Variants in CD163 observed in about 807,000 individuals in gnomAD.
CD163 encodes the protein CD163 molecule.
A neutral mutation model predicts 129.2 loss-of-function variants in CD163; 64 were observed. The observed-to-expected ratio is 0.50, with a 90% CI of 0.41 to 0.61. The LOEUF is 0.61. CD163 is among the 20% of genes least tolerant of loss of function. The pLI, the probability that CD163 is intolerant of heterozygous loss-of-function variation, is 0.00. For missense variants in CD163, 1,061 were observed against 1,377.9 expected (o/e 0.77, Z 3.64); for synonymous variants, 446 against 478.5 (o/e 0.93, Z 0.89).
At chr12:7,480,101 G>T in intron 15 of CD163, 188 bp from the exon 16 acceptor site, 1 of 1,048,726 alleles carries the variant, frequency 9.5e-7, no homozygotes, top group Non-Finnish European at 1.4e-6. Context: ...AGGAAGAAAA[G>T]CATGTGTGAT....
In CD163 at chr12:7,487,305, C is replaced by T; in HGVS notation, c.2050+54G>A. 1 of 1,507,566 alleles carries T rather than the reference C, an allele frequency of 6.6e-7. No individual in the cohort carries two copies. Among genetic ancestry groups the T allele is most frequent in the Non-Finnish European group, 8.9e-7 (1 of 1,128,886 alleles). 93.4% of individuals were successfully genotyped at this position (1,507,566 alleles called of 1,614,324 possible). A position where few individuals can be genotyped will look rare whatever the true frequency, so the allele number is the denominator to read the frequency against. On this transcript the variant is annotated intron_variant, in intron 8 of 16. Transcript: ENST00000432237. This position sits in a 1 kb window ranked among gnomAD's most constrained non-coding sequence, Gnocchi z 5.1. ...ACTGCGTTTTACTTTTGTTCTTCATCCCTATGTACACCTTCTCTTAAGACC... is the reference window on the plus strand; with the variant it reads ...ACTGCGTTTTACTTTTGTTCTTCATTCCTATGTACACCTTCTCTTAAGACC...
chr12:7,495,587 G>A (rs1257665448), intron 5 of CD163, among the ~76,000 whole-genome samples, 186 bp from the exon 6 acceptor site: 2 of 152,140 alleles, frequency 1.3e-5, no homozygotes, highest in Non-Finnish European at 2.9e-5. Context: ...GTAGTTTCAA[G>A]GGTTGATAAA....
rs756660243 is a variant in CD163, at chr12:7,482,735, A to C, written c.3155T>G (p.Ile1052Ser). The C allele has an allele frequency of 6.2e-7, 1 of 1,614,206 alleles. No homozygotes were observed. Among genetic ancestry groups the C allele is most frequent in the South Asian group, 1.1e-5 (1 of 91,082 alleles). The change falls in exon 14 of 17, where the codon ATT becomes AGT. Residue 1052 changes from isoleucine to serine, a missense_variant. Physicochemically the swap from Ile to Ser is moderately radical, Grantham distance 142 (BLOSUM62 -2). Transcript: ENST00000432237. ...AACAACCCCAAGGATCCCGACTGCAATAAAGGATGACTGACGGGATGAGCG... is the reference window on the plus strand; with the variant it reads ...AACAACCCCAAGGATCCCGACTGCACTAAAGGATGACTGACGGGATGAGCG... Reference protein sequence around the residue: ...TGRSSRQSSFIAVGILGVVLL... With the variant: ...TGRSSRQSSFSAVGILGVVLL...
At chr12:7,483,230 T>C (rs1565399840) in intron 12 of CD163, 137 bp downstream of exon 12, 7 of 862,422 alleles carry the variant, frequency 8.1e-6, no homozygotes, top group Non-Finnish European at 5.3e-6. Flanking sequence ...ATTCTTTCAG[T>C]AGAGACATTA....
intron 14 of CD163, among the ~76,000 whole-genome samples, chr12:7,481,655 A>G (rs1949163924): frequency 6.6e-6 from 1 of 152,094 alleles, no homozygotes; most frequent in South Asian, 2.1e-4. Flanking sequence ...TCCTCCTTCA[A>G]TCCTCCTAGA....
chr12:7,489,125 T>C (rs1949294787), intron 6 of CD163, among the ~76,000 whole-genome samples: 1 of 152,154 alleles, frequency 6.6e-6, no homozygotes. Flanking sequence ...ACAGAATTAG[T>C]AAGAGAACAG....
In CD163 at chr12:7,494,945, C is replaced by T. The variant is rs1949378940; in HGVS notation, c.1420+136G>A. 4.3e-6 allele frequency: 3 copies of T among 702,608 alleles called. No homozygotes were observed. The South Asian group carries it at 5.4e-5, about 13-fold the overall frequency. The allele number at this position is 702,608 out of a possible 1,614,324, so 43.5% of individuals were successfully genotyped here. ...ATGAATTGTAAACTTATCTGACTCTCCCAGTGGAATTTGTGTAGATATTTC... is the reference window on the plus strand; with the variant it reads ...ATGAATTGTAAACTTATCTGACTCTTCCAGTGGAATTTGTGTAGATATTTC... On this transcript the variant is annotated intron_variant, in intron 6 of 16. Coordinates refer to ENST00000432237, the MANE Select transcript of CD163 (RefSeq NM_203416.4).
Position 7,487,282 on chromosome 12 carries a change from T to C in CD163, c.2050+77A>G. 1 of 1,419,452 alleles carries C rather than the reference T, an allele frequency of 7.0e-7. No homozygotes were observed. The highest frequency in any genetic ancestry group is 2.3e-5 in the East Asian group (1 of 42,902). The allele number at this position is 1,419,452 out of a possible 1,614,324, so 87.9% of individuals were successfully genotyped here. On this transcript the variant is annotated intron_variant, in intron 8 of 16. Coordinates refer to ENST00000432237, the MANE Select transcript of CD163 (RefSeq NM_203416.4). The surrounding 1 kb of genome is among the most constrained non-coding windows in gnomAD (Gnocchi z 5.1). ...CTCATGACCCTTCAAAATGGATCAC[T>C]GCGTTTTACTTTTGTTCTTCATCCC...
intron 6 of CD163, among the ~76,000 whole-genome samples, chr12:7,493,307 A>AC (rs1362786331): frequency 6.6e-6 from 1 of 152,194 alleles, no homozygotes; most frequent in Admixed American, 6.5e-5. Flanking sequence ...CCCATGAAGG[A>AC]CAGCGGACAG....
intron 16 of CD163, among the ~76,000 whole-genome samples, chr12:7,476,802 A>C (rs1236387699): frequency 6.6e-6 from 1 of 152,214 alleles, no homozygotes; most frequent in Non-Finnish European, 1.5e-5. Context: ...TGAACAGGCA[A>C]CCTACAGAAT....
At position 7,481,215 on chromosome 12, in the gene CD163, G is replaced by A. The variant is rs756953570; in HGVS notation, c.3289C>T (p.Arg1097Trp). The A allele has an allele frequency of 4.3e-6, 7 of 1,613,664 alleles. No homozygotes were observed. The highest frequency in any genetic ancestry group is 1.6e-4 in the Middle Eastern group (1 of 6,082). Residue 1097 changes from arginine to tryptophan, a missense_variant, in exon 15 of 17, where the codon CGG becomes TGG. By Grantham distance (101) the Arg-to-Trp change is moderately radical. Coordinates refer to ENST00000432237, the MANE Select transcript of CD163 (RefSeq NM_203416.4). Reference protein sequence around the residue: ...GENLVHQIQYREMNSCLNADD... With the variant: ...GENLVHQIQYWEMNSCLNADD... ...GCATTCAGGCAAGAATTCATCTCCCGGTATTGAATTTGGTGGACTAAGTTC... is the reference window on the plus strand; with the variant it reads ...GCATTCAGGCAAGAATTCATCTCCCAGTATTGAATTTGGTGGACTAAGTTC...
Position 7,486,731 on chromosome 12 carries a change from G to A in CD163, c.2226C>T (p.Thr742=), listed in dbSNP as rs1445486837. The change falls in exon 10 of 17, where the codon ACC becomes ACT. Residue 742 remains threonine (T), a synonymous_variant. Transcript: ENST00000432237. ...VEIYHEGSWG[T]ICDDSWDLSD... is the part of the protein sequence containing the mutation. ...TCAGGTCCCAGCTGTCATCACAGAT[G>A]GTGCCCCAGGAGCCCTCATGATAGA... The A allele has an allele frequency of 9.3e-6, 15 of 1,614,038 alleles. No homozygotes were observed. In the Admixed American group the frequency reaches 2.3e-4, roughly 25 times the overall value.
At chr12:7,490,275 G>A (rs1949310310) in intron 6 of CD163, among the ~76,000 whole-genome samples, 2 of 151,996 alleles carry the variant, frequency 1.3e-5, no homozygotes, top group Admixed American at 6.6e-5. Flanking sequence ...ATATGGTCAC[G>A]AAATGCATGG....
At position 7,496,175 on chromosome 12, in the gene CD163, G is replaced by T. The variant is rs182481489; in HGVS notation, c.1099+638C>A. On this transcript the variant is annotated intron_variant, in intron 5 of 16. Coordinates refer to ENST00000432237, the MANE Select transcript of CD163 (RefSeq NM_203416.4). This position sits in a 1 kb window ranked among gnomAD's most constrained non-coding sequence, Gnocchi z 4.8. ...AAAGAATGAGTTTATGTCCTTTGAA[G>T]GGACACAGATGAAGCTAGAAACCAT... Among the ~76,000 whole-genome samples, 15 of 152,148 alleles carry T rather than the reference G, an allele frequency of 9.9e-5. No homozygotes were observed. The highest frequency in any genetic ancestry group is 1.5e-5 in the Non-Finnish European group (1 of 68,040).
chr12:7,498,903 C>T lies in CD163; in HGVS notation c.743G>A (p.Cys248Tyr). Residue 248 changes from cysteine (C) to tyrosine (Y), a missense_variant, in exon 4 of 17, where the codon TGT (cysteine) becomes TAT (tyrosine). Coordinates refer to ENST00000432237, the MANE Select transcript of CD163 (RefSeq NM_203416.4). ...CKHQGWGKHN[C>Y]DHAEDAGVIC... is the part of the protein sequence containing the mutation. ...CACTCCAGCATCCTCAGCATGATCA[C>T]AGTTATGCTTTCCCCATCCTTGATG... 6.2e-7 allele frequency: 1 copy of T among 1,614,098 alleles called. No homozygotes were observed. Among genetic ancestry groups the T allele is most frequent in the Non-Finnish European group, 8.5e-7 (1 of 1,179,966 alleles).
intron 4 of CD163, 62 bp from the exon 5 acceptor site, chr12:7,497,195 C>A: frequency 7.2e-7 from 1 of 1,381,528 alleles, no homozygotes; most frequent in East Asian, 2.3e-5. Context: ...CTATAAATAG[C>A]TATACCTGAG....
chr12:7,482,302 G>A (rs1949172493), intron 14 of CD163, among the ~76,000 whole-genome samples: 1 of 152,078 alleles, frequency 6.6e-6, no homozygotes, highest in African/African-American at 2.4e-5. Flanking sequence ...CATGTAGATA[G>A]AACACAGGAA....
chr12:7,480,021 G>A, intron 15 of CD163, 108 bp from the exon 16 acceptor site: 2 of 1,599,152 alleles, frequency 1.3e-6, no homozygotes, highest in African/African-American at 1.3e-5. Context: ...ATAATTACTG[G>A]GAAATAAACC....
intron 12 of CD163, 48 bp downstream of exon 12, chr12:7,483,317 CCT>C (rs1353189101): frequency 1.9e-6 from 3 of 1,551,334 alleles, no homozygotes; most frequent in Non-Finnish European, 2.6e-6. Flanking sequence ...CTGCCCAACC[CCT>C]CTTTGCTGCC....
Sources: gnomAD v4.1 joint callset for allele counts (sites outside exome capture counted in the v4.1 genomes callset) on GRCh38, gnomAD v4.1.1 for gene constraint, Gnocchi (gnomAD v3.1) non-coding constraint, MANE v1.5 for transcripts, NCBI Gene and HGNC (gene_info 2026-07-23, HGNC 2026-07-21) for gene names.